ZBTB49: variants seen among roughly 807,000 people sequenced by gnomAD.
ZBTB49 encodes the protein zinc finger and BTB domain containing 49.
In ZBTB49, 43 loss-of-function variants were observed where a neutral mutation model predicts 57.5. The ratio of observed to expected loss-of-function variants is 0.75; its 90% CI spans 0.59 to 0.97. The LOEUF (loss-of-function observed/expected upper bound fraction) is 0.97. ZBTB49 is among the 50% of genes least tolerant of loss of function. The pLI is 0.00. For missense variants in ZBTB49, 938 were observed against 947.7 expected, an observed-to-expected ratio of 0.99 and a Z score of 0.13; for synonymous variants, 369 against 362.1, an observed-to-expected ratio of 1.02 and a Z score of -0.22.
At chr4:4,300,228 A>T in intron 2 of ZBTB49, 131 bp downstream of exon 2, 3 of 1,059,898 alleles carry the variant, frequency 2.8e-6, no homozygotes, top group Non-Finnish European at 1.3e-6. Context: ...ATTTTGTAGG[A>T]GTTGTTTTAA....
At chr4:4,318,768 T>C (rs924360603) in intron 7 of ZBTB49, among the ~76,000 whole-genome samples, 41 of 152,198 alleles carry the variant, frequency 2.7e-4, no homozygotes, top group Admixed American at 6.5e-5. Context: ...CTAAATATGC[T>C]TTCACTCTAG....
At chr4:4,312,336 T>A (rs1453868200) in intron 4 of ZBTB49, among the ~76,000 whole-genome samples, 4 of 152,224 alleles carry the variant, frequency 2.6e-5, no homozygotes, top group African/African-American at 9.6e-5. Context: ...TTAATTTCGC[T>A]GTACTTTAGG....
rs34293093 is a variant in ZBTB49, at chr4:4,320,943, C to T, written c.1925C>T (p.Ala642Val). 83,867 of 1,614,170 alleles carry T rather than the reference C, an allele frequency of 0.052. 2,570 individuals are homozygous for T. Among genetic ancestry groups the T allele is most frequent in the Non-Finnish European group, 0.063 (74,859 of 1,180,028 alleles). The change falls in exon 8 of 8, where the codon GCA becomes GTA. Residue 642 changes from alanine (A) to valine (V), a missense_variant. Physicochemically the swap from Ala to Val is moderately conservative, Grantham distance 64. This residue lies in a region of ZBTB49 where 835 missense variants were observed against 819.1 expected (regional missense o/e 1.02). Coordinates refer to ENST00000337872, the MANE Select transcript of ZBTB49 (RefSeq NM_145291.4). ...GTCCACCCAGTGGAAAATTCTGTGG[C>T]AGAATTTGATAGCCACTCTGGCGGC... is the stretch of plus-strand genomic sequence containing the variant. ...LPVHPVENSV[A>V]EFDSHSGGSY...
At chr4:4,316,198 A>G (rs1379210824) in intron 7 of ZBTB49, among the ~76,000 whole-genome samples, 2 of 152,192 alleles carry the variant, frequency 1.3e-5, no homozygotes, top group African/African-American at 4.8e-5. Flanking sequence ...AAAGATGACT[A>G]AGACAGAGTC....
At position 4,321,420 on chromosome 4, in the gene ZBTB49, C is replaced by T. The variant is rs1721413298; in HGVS notation, c.*104C>T. 4.2e-6 allele frequency: 5 copies of T among 1,188,828 alleles called. No homozygotes were observed. Among genetic ancestry groups the T allele is most frequent in the East Asian group, 5.0e-5 (2 of 39,694 alleles). The allele number at this position is 1,188,828 out of a possible 1,614,324, so 73.6% of individuals were successfully genotyped here. On this transcript the variant is annotated 3_prime_UTR_variant, in exon 8 of 8. Transcript: ENST00000337872. ...CCCATGACAGTGCCTTCTAACTAGC[C>T]AGAGAATAGGTAGCTTCCCTCCTGA...
chr4:4,320,740 C>T lies in ZBTB49; in HGVS notation c.1722C>T (p.Arg574=), dbSNP rs1721376746. The stretch of plus-strand genomic sequence containing the variant: ...AGATCTGTAACAAGTGCTTTACCCG[C>T]TCTGCGGTGCTCCGGCGGCACAAGA... ...TCEICNKCFT[R]SAVLRRHKKM... is the part of the protein sequence containing the mutation. The change falls in exon 8 of 8, where the codon CGC becomes CGT. Residue 574 remains arginine, a synonymous_variant. Coordinates refer to ENST00000337872, the MANE Select transcript of ZBTB49 (RefSeq NM_145291.4). 1.2e-6 allele frequency: 2 copies of T among 1,614,130 alleles called. No individual in the cohort carries two copies. The highest frequency in any genetic ancestry group is 1.7e-5 in the Admixed American group (1 of 60,008).
chr4:4,313,166 T>C (rs1721045970), intron 5 of ZBTB49, 52 bp downstream of exon 5: 1 of 1,605,716 alleles, frequency 6.2e-7, no homozygotes, highest in Admixed American at 1.7e-5. Context: ...CTAGTCTCAG[T>C]GTCTTTGGTA....
chr4:4,295,305 G>C lies in ZBTB49; in HGVS notation c.-19-4622G>C, dbSNP rs538722101. ...GGCAGCAGGGGAGAGAGAACCGGGT[G>C]GGGGGAGCAGGGACTGCCAAACATT... On this transcript the variant is annotated intron_variant, in intron 1 of 7. Coordinates refer to ENST00000337872, the MANE Select transcript of ZBTB49 (RefSeq NM_145291.4). Among the ~76,000 whole-genome samples, 6 of 152,212 alleles carry C rather than the reference G, an allele frequency of 3.9e-5. No individual in the cohort carries two copies. The South Asian group carries it at 6.2e-4, about 16-fold the overall frequency.
chr4:4,304,721 C>T (rs1720663484), intron 3 of ZBTB49, among the ~76,000 whole-genome samples: 1 of 152,008 alleles, frequency 6.6e-6, no homozygotes, highest in Non-Finnish European at 1.5e-5. Context: ...GAGGCCAACA[C>T]TATTTTCAAA....
intron 7 of ZBTB49, among the ~76,000 whole-genome samples, chr4:4,317,411 A>G (rs896533980): frequency 2.6e-5 from 4 of 152,240 alleles, no homozygotes; most frequent in African/African-American, 9.6e-5. Context: ...ACAAAGTTGT[A>G]TAATTCTCAA....
chr4:4,302,633 T>G lies in ZBTB49; in HGVS notation c.797T>G (p.Leu266Arg). The G allele has an allele frequency of 6.2e-7, 1 of 1,612,572 alleles. No homozygotes were observed. The highest frequency in any genetic ancestry group is 8.5e-7 in the Non-Finnish European group (1 of 1,179,146). ...PCAVSHSECILESPEHLPSNF... is the reference protein window; with the variant it reads ...PCAVSHSECIRESPEHLPSNF... ...GCCGTCAGTCATTCTGAATGCATCC[T>G]GGAGTCTCCCGAGCACTTACCTTCC... Residue 266 changes from leucine to arginine, a missense_variant, in exon 3 of 8, where the codon CTG becomes CGG. Physicochemically the swap from Leu to Arg is moderately radical, Grantham distance 102 (BLOSUM62 -2). Coordinates refer to ENST00000337872, the MANE Select transcript of ZBTB49 (RefSeq NM_145291.4).
intron 4 of ZBTB49, among the ~76,000 whole-genome samples, chr4:4,311,262 C>A (rs1720970306): frequency 6.6e-6 from 1 of 152,030 alleles, no homozygotes; most frequent in Non-Finnish European, 1.5e-5. Context: ...AAGAATTAAC[C>A]CAGAATGCAT....
At chr4:4,316,794 G>A (rs1412929811) in intron 7 of ZBTB49, among the ~76,000 whole-genome samples, 1 of 152,214 alleles carries the variant, frequency 6.6e-6, no homozygotes, top group African/African-American at 2.4e-5. Context: ...CATTTAAATT[G>A]TACACGGATC....
At chr4:4,301,725 T>C (rs758062205) in intron 2 of ZBTB49, among the ~76,000 whole-genome samples, 25 of 152,270 alleles carry the variant, frequency 1.6e-4, no homozygotes, top group Non-Finnish European at 3.2e-4. Context: ...TGTAATTTTT[T>C]ATTGTGTAAA....
rs191943157 is a variant in ZBTB49, at chr4:4,318,166, C to G, written c.1621+2196C>G. Reference sequence around the variant, plus strand: ...AGGTGGAGCCAAGCTCCTCTCGACTCGAAAGATGAAGGACAGGCACCCATA... The same window carrying G: ...AGGTGGAGCCAAGCTCCTCTCGACTGGAAAGATGAAGGACAGGCACCCATA... On this transcript the variant is annotated intron_variant, in intron 7 of 7. Coordinates refer to ENST00000337872, the MANE Select transcript of ZBTB49 (RefSeq NM_145291.4). Among the ~76,000 whole-genome samples, 393 of 152,194 alleles carry G rather than the reference C, an allele frequency of 2.6e-3. 1 individual carries two copies. The highest frequency in any genetic ancestry group is 4.5e-3 in the Non-Finnish European group (307 of 67,996).
At chr4:4,314,621 C>T (rs1721111675) in intron 5 of ZBTB49, among the ~76,000 whole-genome samples, 1 of 152,256 alleles carries the variant, frequency 6.6e-6, no homozygotes, top group East Asian at 1.9e-4. Flanking sequence ...ATACACCCGC[C>T]TCTGCCTCCC....
chr4:4,298,465 G>A (rs76222885), intron 1 of ZBTB49, among the ~76,000 whole-genome samples: 38,005 of 115,864 alleles, frequency 0.33, 5,262 homozygotes, highest in Admixed American at 0.42. Flanking sequence ...CTGTCACCCA[G>A]GCTGGAGGGC....
At chr4:4,313,843 C>T (rs1157475438) in intron 5 of ZBTB49, among the ~76,000 whole-genome samples, 2 of 152,316 alleles carry the variant, frequency 1.3e-5, no homozygotes, top group South Asian at 2.1e-4. Flanking sequence ...AAGCTCTGTA[C>T]GCACCTTGGT....
rs1333340193 is a variant in ZBTB49 at position 4,315,520 on chromosome 4, C to T, written c.1377-116C>T. 4.7e-5 allele frequency: 46 copies of T among 982,638 alleles called. No homozygotes were observed. In the South Asian group the frequency reaches 5.2e-4, roughly 11 times the overall value. 60.9% of individuals were successfully genotyped at this position (982,638 alleles called of 1,614,324 possible). On this transcript the variant is annotated intron_variant, in intron 5 of 7. Transcript: ENST00000337872. ...TTTCAGATGAAACCAGTCCAGTTCA[C>T]GTTCCTTTCTGCAGCAGTGTCAGGA...
Sources: allele counts gnomAD v4.1 joint callset (sites outside exome capture counted in the v4.1 genomes callset), GRCh38; gene constraint gnomAD v4.1.1; regional missense constraint gnomAD v4.1.1; transcripts MANE v1.5; gene names NCBI Gene and HGNC (gene_info 2026-07-23, HGNC 2026-07-21).